Variants in CNTNAP2 observed in about 807,000 individuals in gnomAD.
CNTNAP2 encodes the protein contactin-associated protein-like 2.
A neutral mutation model predicts 155.2 loss-of-function variants in CNTNAP2; 98 were observed. The observed-to-expected ratio is 0.63, with a 90% CI of 0.54 to 0.75. The LOEUF is 0.75. Ranked by LOEUF, CNTNAP2 falls within the 30% of genes least tolerant of loss-of-function variation. CNTNAP2 has a pLI of 0.00. For synonymous variants in CNTNAP2, 651 were observed against 631.2 expected, an observed-to-expected ratio of 1.03 and a Z score of -0.47; for missense variants, 1,727 against 1,688.1, an observed-to-expected ratio of 1.02 and a Z score of -0.40.
At chr7:148,332,479 G>A (rs1488603422) in intron 21 of CNTNAP2, among the ~76,000 whole-genome samples, 1 of 152,150 alleles carries the variant, frequency 6.6e-6, no homozygotes, top group Non-Finnish European at 1.5e-5. Flanking sequence ...TGAGAAAAAT[G>A]AATTGAGCCT....
At chr7:146,841,884 A>T (rs1215805136) in intron 3 of CNTNAP2, among the ~76,000 whole-genome samples, 1 of 138,012 alleles carries the variant, frequency 7.2e-6, no homozygotes, top group Non-Finnish European at 1.6e-5. Context: ...CTTGTCTTGG[A>T]GTCTTTTTTT....
intron 1 of CNTNAP2, among the ~76,000 whole-genome samples, chr7:146,491,282 G>C (rs1797135600): frequency 6.6e-6 from 1 of 152,036 alleles, no homozygotes; most frequent in African/African-American, 2.4e-5. Flanking sequence ...ACACCCGTGT[G>C]AGCTTTGGAG....
chr7:148,115,595 G>T (rs1804449953), intron 15 of CNTNAP2, among the ~76,000 whole-genome samples: 1 of 152,218 alleles, frequency 6.6e-6, no homozygotes, highest in East Asian at 1.9e-4. Context: ...ACTCTCTGAT[G>T]AGCGAGAGCG....
intron 14 of CNTNAP2, among the ~76,000 whole-genome samples, chr7:147,941,459 A>G (rs1800720184): frequency 6.6e-6 from 1 of 152,000 alleles, no homozygotes. Flanking sequence ...ACACACACCA[A>G]CTTCTAGAGA....
chr7:147,137,891 A>AGATG (rs1407622049), intron 8 of CNTNAP2, among the ~76,000 whole-genome samples: 1 of 127,326 alleles, frequency 7.9e-6, no homozygotes, highest in African/African-American at 2.6e-5. Flanking sequence ...ATAGATAGAT[A>AGATG]GATAGATAGA....
intron 15 of CNTNAP2, among the ~76,000 whole-genome samples, chr7:148,070,374 A>G (rs796852856): frequency 1.2e-4 from 19 of 152,362 alleles, no homozygotes; most frequent in African/African-American, 4.6e-4. Flanking sequence ...TCTGTTAATA[A>G]CTTTTAATTA....
intron 1 of CNTNAP2, among the ~76,000 whole-genome samples, chr7:146,455,951 A>G (rs970840826): frequency 6.6e-6 from 1 of 152,200 alleles, no homozygotes; most frequent in Non-Finnish European, 1.5e-5. Context: ...ATGCTGTTAT[A>G]ATTTCTAAAG....
chr7:147,184,768 C>T (rs572125983), intron 8 of CNTNAP2, among the ~76,000 whole-genome samples: 10 of 152,126 alleles, frequency 6.6e-5, no homozygotes, highest in African/African-American at 2.2e-4. Context: ...AAGAAGGGAT[C>T]GCAATGTACT....
intron 3 of CNTNAP2, among the ~76,000 whole-genome samples, chr7:146,960,627 G>A (rs574841462): frequency 6.6e-6 from 1 of 152,298 alleles, no homozygotes; most frequent in South Asian, 2.1e-4. Flanking sequence ...AATCTGAGAT[G>A]CATTGGTAAG....
chr7:146,599,743 G>T (rs368131347), intron 1 of CNTNAP2, among the ~76,000 whole-genome samples: 3 of 145,594 alleles, frequency 2.1e-5, no homozygotes, highest in Non-Finnish European at 3.0e-5. Flanking sequence ...ACGACAGACA[G>T]AGATAGATAG....
intron 11 of CNTNAP2, among the ~76,000 whole-genome samples, chr7:147,529,039 GA>G (rs1799383553): frequency 6.6e-6 from 1 of 152,116 alleles, no homozygotes; most frequent in East Asian, 1.9e-4. Context: ...TCATAAAATG[GA>G]AACGATACAT....
chr7:147,883,066 T>C (rs1254359300), intron 13 of CNTNAP2, among the ~76,000 whole-genome samples: 1 of 152,170 alleles, frequency 6.6e-6, no homozygotes, highest in Admixed American at 6.5e-5. Context: ...GCATGATAGA[T>C]AGGGTAGGTG....
At chr7:147,852,973 T>C (rs1287104610) in intron 13 of CNTNAP2, among the ~76,000 whole-genome samples, 2 of 152,188 alleles carry the variant, frequency 1.3e-5, no homozygotes, top group Non-Finnish European at 2.9e-5. Flanking sequence ...ACATTAAAAG[T>C]TGGCCCACAG....
chr7:148,187,962 C>A (rs1795146322), intron 18 of CNTNAP2, among the ~76,000 whole-genome samples: 1 of 152,154 alleles, frequency 6.6e-6, no homozygotes, highest in South Asian at 2.1e-4. Context: ...ACAGACCACA[C>A]CACCACCCCA....
intron 10 of CNTNAP2, among the ~76,000 whole-genome samples, chr7:147,474,331 C>T (rs1402598145): frequency 4.6e-5 from 7 of 151,944 alleles, no homozygotes; most frequent in Admixed American, 2.0e-4. Flanking sequence ...CGGTGGCTCA[C>T]GCCTGTAATC....
chr7:146,446,027 G>T (rs2129121085), intron 1 of CNTNAP2, among the ~76,000 whole-genome samples: 1 of 152,152 alleles, frequency 6.6e-6, no homozygotes, highest in South Asian at 2.1e-4. Flanking sequence ...TGAAAAAGAA[G>T]AATCACATTA....
intron 10 of CNTNAP2, among the ~76,000 whole-genome samples, chr7:147,448,485 T>TAC (rs1491188251): frequency 6.2e-5 from 2 of 32,208 alleles, no homozygotes; most frequent in Non-Finnish European, 8.4e-5. Context: ...TGTGTGTGTG[T>TAC]ATATATATAT....
chr7:146,773,677 A>T (rs1012469337), intron 1 of CNTNAP2, among the ~76,000 whole-genome samples: 1 of 152,226 alleles, frequency 6.6e-6, no homozygotes, highest in African/African-American at 2.4e-5. Context: ...TACAGGCATG[A>T]GTCACCACTC....
chr7:146,922,640 G>C (rs556364670), intron 3 of CNTNAP2, among the ~76,000 whole-genome samples: 2 of 152,302 alleles, frequency 1.3e-5, no homozygotes, highest in African/African-American at 4.8e-5. Context: ...AGAAAAACAG[G>C]ATTCAACTTT....
Sources: allele counts gnomAD v4.1 joint callset (sites outside exome capture counted in the v4.1 genomes callset), GRCh38; gene constraint gnomAD v4.1.1; transcripts MANE v1.5; gene names NCBI Gene and HGNC (gene_info 2026-07-23, HGNC 2026-07-21).